The following MORN4 variants were observed in gnomAD, a reference collection of about 807,000 sequenced individuals.
MORN4 encodes the protein MORN repeat containing 4, also known as MORN repeat-containing protein 4.
Under a neutral mutation model 16.4 loss-of-function variants are expected in MORN4, and 8 were observed. The ratio of observed to expected loss-of-function variants is 0.49; its 90% CI spans 0.29 to 0.88. The LOEUF is 0.88. MORN4 is among the 40% of genes least tolerant of loss of function. MORN4 has a pLI of 0.09. For missense variants in MORN4, 159 were observed against 182.9 expected (o/e 0.87, Z 0.75); for synonymous variants, 53 against 68.9 (o/e 0.77, Z 1.14).
At chr10:97,627,977 T>C (rs2041362350) in intron 1 of MORN4, among the ~76,000 whole-genome samples, 3 of 152,172 alleles carry the variant, frequency 2.0e-5, no homozygotes, top group African/African-American at 7.2e-5. Flanking sequence ...ATAACATTAA[T>C]GAGAGCATGA....
At position 97,622,130 on chromosome 10, in the gene MORN4, T is replaced by G. The variant is rs2041302552; in HGVS notation, c.-30-2447A>C. ...TCAGGCAAGACTAGAAGAACTGCCC[T>G]TCTGAGCCCGGCCCCAAACTAGCGA... On this transcript the variant is annotated intron_variant, in intron 1 of 4. Coordinates refer to ENST00000307450, the MANE Select transcript of MORN4 (RefSeq NM_178832.4). Among the ~76,000 whole-genome samples, 3 of 152,278 alleles carry G rather than the reference T, an allele frequency of 2.0e-5. No individual in the cohort carries two copies. The Middle Eastern group carries it at 0.01, about 518-fold the overall frequency.
chr10:97,627,718 C>G (rs1449566922), intron 1 of MORN4, among the ~76,000 whole-genome samples: 1 of 152,224 alleles, frequency 6.6e-6, no homozygotes, highest in Non-Finnish European at 1.5e-5. Flanking sequence ...AGTTATCAGT[C>G]AAGCATTCCA....
At chr10:97,620,747 G>A (rs940894478) in intron 1 of MORN4, among the ~76,000 whole-genome samples, 3 of 152,066 alleles carry the variant, frequency 2.0e-5, no homozygotes, top group Non-Finnish European at 4.4e-5. Flanking sequence ...GGAGGCCGAG[G>A]TGGGAGGATC....
chr10:97,619,330 AAAAACAAAAC>A (rs922586842), intron 2 of MORN4: 1 of 576,570 alleles, frequency 1.7e-6, no homozygotes, highest in Non-Finnish European at 3.1e-6. Context: ...CCTCATCTCA[AAAAACAAAAC>A]AAAACAAAAC....
In MORN4 at chr10:97,633,155, C is replaced by G. The variant is rs753397147; in HGVS notation, c.-31+192G>C. Among the ~76,000 whole-genome samples the G allele has an allele frequency of 6.6e-6, 1 of 152,158 alleles. No homozygotes were observed. Among genetic ancestry groups the G allele is most frequent in the Non-Finnish European group, 1.5e-5 (1 of 68,024 alleles). On this transcript the variant is annotated intron_variant, in intron 1 of 4. Coordinates refer to ENST00000307450, the MANE Select transcript of MORN4 (RefSeq NM_178832.4). The surrounding 1 kb of genome is among the most constrained non-coding windows in gnomAD (Gnocchi z 4.5). ...CGCTAACCCCAGTCCAGTCAGCTCTCCCGGGCCTCGACCCCCGCGGTGGAG... is the reference window on the plus strand; with the variant it reads ...CGCTAACCCCAGTCCAGTCAGCTCTGCCGGGCCTCGACCCCCGCGGTGGAG...
At chr10:97,624,790 C>T (rs1011682246) in intron 1 of MORN4, among the ~76,000 whole-genome samples, 1 of 152,052 alleles carries the variant, frequency 6.6e-6, no homozygotes, top group Non-Finnish European at 1.5e-5. Context: ...GCGATCTTTG[C>T]TCACTCCAAC....
In MORN4 at chr10:97,615,223, A is replaced by G. The variant is rs897776059; in HGVS notation, c.*1040T>C. The G allele has an allele frequency of 4.6e-5, 7 of 152,618 alleles. No individual in the cohort carries two copies. The highest frequency in any genetic ancestry group is 1.7e-4 in the African/African-American group (7 of 41,440). 9.5% of individuals were successfully genotyped at this position (152,618 alleles called of 1,614,324 possible). ...GGGGACATAGGCAGGAATGAATACCAGTCTGATCAGACCAAGTGGAAGCCT... is the reference window on the plus strand; with the variant it reads ...GGGGACATAGGCAGGAATGAATACCGGTCTGATCAGACCAAGTGGAAGCCT... On this transcript the variant is annotated 3_prime_UTR_variant, in exon 5 of 5. Coordinates refer to ENST00000307450, the MANE Select transcript of MORN4 (RefSeq NM_178832.4).
intron 2 of MORN4, among the ~76,000 whole-genome samples, chr10:97,617,838 G>A (rs370577159): frequency 6.6e-6 from 1 of 151,358 alleles, no homozygotes; most frequent in Non-Finnish European, 1.5e-5. Context: ...CCAGCCTGTC[G>A]ACAGAGTGAG....
chr10:97,618,788 T>TC (rs1491364830), intron 2 of MORN4, among the ~76,000 whole-genome samples: 1 of 103,470 alleles, frequency 9.7e-6, no homozygotes, highest in African/African-American at 2.9e-5. Context: ...ATACTGGTTG[T>TC]TTTTTTTTTT....
In MORN4 at chr10:97,624,001, G is replaced by A. The variant is rs184141136; in HGVS notation, c.-30-4318C>T. On this transcript the variant is annotated intron_variant, in intron 1 of 4. Transcript: ENST00000307450. ...TCCGCCCGCCTTGGCCTCCCAAAGTGCTGGGATTACAGGCATGAGCCACCG... is the reference window on the plus strand; with the variant it reads ...TCCGCCCGCCTTGGCCTCCCAAAGTACTGGGATTACAGGCATGAGCCACCG... Among the ~76,000 whole-genome samples the A allele has an allele frequency of 2.1e-4, 32 of 152,152 alleles. 1 individual carries two copies. The East Asian group carries it at 5.8e-3, about 28-fold the overall frequency.
Position 97,615,180 on chromosome 10 carries a change from T to C in MORN4, c.*1083A>G, listed in dbSNP as rs949167286. On this transcript the variant is annotated 3_prime_UTR_variant, in exon 5 of 5. Transcript: ENST00000307450. ...TTCTAAAGGGAGGAGGAAATAGCACTCTTACCGAATCCTTCACGGGGACAT... is the reference window on the plus strand; with the variant it reads ...TTCTAAAGGGAGGAGGAAATAGCACCCTTACCGAATCCTTCACGGGGACAT... 3 of 152,578 alleles carry C rather than the reference T, an allele frequency of 2.0e-5. No individual in the cohort carries two copies. Among genetic ancestry groups the C allele is most frequent in the African/African-American group, 7.2e-5 (3 of 41,420 alleles). The allele number at this position is 152,578 out of a possible 1,614,324, so 9.5% of individuals were successfully genotyped here. A position where few individuals can be genotyped will look rare whatever the true frequency, so the allele number is the denominator to read the frequency against.
At position 97,633,482 on chromosome 10, in the gene MORN4, C is replaced by T; in HGVS notation, c.-166G>A. On this transcript the variant is annotated 5_prime_UTR_variant, in exon 1 of 5. It removes an upstream start codon present in the reference 5' UTR. Coordinates refer to ENST00000307450, the MANE Select transcript of MORN4 (RefSeq NM_178832.4). The surrounding 1 kb of genome is among the most constrained non-coding windows in gnomAD (Gnocchi z 4.5). The stretch of plus-strand genomic sequence containing the variant: ...CAGCGATTGCCCCACTTGACGCCGC[C>T]ATCCTGGGCGACCGCACTGGGTACA... 7.8e-7 allele frequency: 1 copy of T among 1,289,916 alleles called. No individual in the cohort carries two copies. Among genetic ancestry groups the T allele is most frequent in the Non-Finnish European group, 1.0e-6 (1 of 988,886 alleles). 79.9% of individuals were successfully genotyped at this position (1,289,916 alleles called of 1,614,324 possible).
At chr10:97,617,635 G>C (rs1331202705) in intron 2 of MORN4, among the ~76,000 whole-genome samples, 1 of 151,906 alleles carries the variant, frequency 6.6e-6, no homozygotes, top group Non-Finnish European at 1.5e-5. Context: ...GAGGCTGAGG[G>C]TGGATCACGA....
Position 97,617,101 on chromosome 10 carries a change from G to T in MORN4, c.182+107C>A. 5.8e-6 allele frequency: 5 copies of T among 869,418 alleles called. No homozygotes were observed. The Middle Eastern group carries it at 8.9e-4, about 156-fold the overall frequency. The allele number at this position is 869,418 out of a possible 1,614,324, so 53.9% of individuals were successfully genotyped here. A position where few individuals can be genotyped will look rare whatever the true frequency, so the allele number is the denominator to read the frequency against. On this transcript the variant is annotated intron_variant, in intron 3 of 4. Coordinates refer to ENST00000307450, the MANE Select transcript of MORN4 (RefSeq NM_178832.4). ...ACTACTTATTACTCATCTGTGTTCT[G>T]CAGGGAGTGAGACAAGGTCAGGATT...
intron 2 of MORN4, among the ~76,000 whole-genome samples, chr10:97,618,303 C>T (rs140608645): frequency 0.015 from 1,820 of 118,740 alleles, 39 homozygotes; most frequent in African/African-American, 0.057. Flanking sequence ...CTCACTCTGT[C>T]GCCCAGGCTG....
chr10:97,617,736 T>G (rs1488199187), intron 2 of MORN4, among the ~76,000 whole-genome samples: 3 of 152,052 alleles, frequency 2.0e-5, no homozygotes, highest in Non-Finnish European at 2.9e-5. Context: ...GGCGCCTGCC[T>G]GTGGTCCCAG....
At chr10:97,626,379 AAATAATAATAATAAT>A (rs77465738) in intron 1 of MORN4, among the ~76,000 whole-genome samples, 21 of 103,550 alleles carry the variant, frequency 2.0e-4, no homozygotes, top group African/African-American at 7.1e-4. Flanking sequence ...TCTGACTCAA[AAATAATAATAATAAT>A]AATCATAATC....
At chr10:97,617,117 G>A (rs781488820) in intron 3 of MORN4, 91 bp downstream of exon 3, 1 of 985,200 alleles carries the variant, frequency 1.0e-6, no homozygotes, top group Non-Finnish European at 1.6e-6. Context: ...AGTGAGACAA[G>A]GTCAGGATTG....
chr10:97,630,666 C>T (rs1265922979), intron 1 of MORN4, among the ~76,000 whole-genome samples: 1 of 152,208 alleles, frequency 6.6e-6, no homozygotes, highest in African/African-American at 2.4e-5. Flanking sequence ...GAAACTGTCA[C>T]ATGTGCCCAA....
Sources: allele counts gnomAD v4.1 joint callset (sites outside exome capture counted in the v4.1 genomes callset), GRCh38; gene constraint gnomAD v4.1.1; non-coding constraint Gnocchi (gnomAD v3.1); transcripts MANE v1.5; gene names NCBI Gene and HGNC (gene_info 2026-07-23, HGNC 2026-07-21).